Variants in GPC5 observed in about 807,000 individuals in gnomAD.
GPC5 encodes the protein glypican 5.
A neutral mutation model predicts 53.9 loss-of-function variants in GPC5; 47 were observed. The observed-to-expected ratio is 0.87, with a 90% CI of 0.69 to 1.11. The LOEUF is 1.11. Ranked by LOEUF, GPC5 falls within the 50% of genes most tolerant of loss-of-function variation. The pLI is 0.00. For missense variants in GPC5, 748 were observed against 713.1 expected, an observed-to-expected ratio of 1.05 and a Z score of -0.56; for synonymous variants, 286 against 263.3, an observed-to-expected ratio of 1.09 and a Z score of -0.84.
At chr13:92,679,716 T>C (rs1057289874) in intron 7 of GPC5, among the ~76,000 whole-genome samples, 1 of 152,168 alleles carries the variant, frequency 6.6e-6, no homozygotes, top group Admixed American at 6.6e-5. Context: ...TCATGGTTCA[T>C]CAGCAAATGC....
In GPC5 at chr13:92,082,615, C is replaced by G. The variant is rs554953439; in HGVS notation, c.1402-62215C>G. Among the ~76,000 whole-genome samples the G allele has an allele frequency of 2.6e-5, 4 of 152,170 alleles. No homozygotes were observed. The South Asian group carries it at 8.3e-4, about 32-fold the overall frequency. Reference sequence around the variant, plus strand: ...AAATATATTGCTCACAATTTTAATGCCTCAGCATTAAAGCTAAAAAGGAAA... The same window carrying G: ...AAATATATTGCTCACAATTTTAATGGCTCAGCATTAAAGCTAAAAAGGAAA... On this transcript the variant is annotated intron_variant, in intron 6 of 7. Transcript: ENST00000377067.
intron 5 of GPC5, among the ~76,000 whole-genome samples, chr13:91,795,829 T>G (rs968922270): frequency 9.9e-5 from 15 of 152,144 alleles, no homozygotes; most frequent in African/African-American, 3.4e-4. Flanking sequence ...ACACCACTGT[T>G]CCACATGCTC....
intron 7 of GPC5, among the ~76,000 whole-genome samples, chr13:92,485,585 A>G (rs1006989233): frequency 6.6e-5 from 10 of 152,228 alleles, no homozygotes; most frequent in African/African-American, 2.4e-4. Flanking sequence ...ATAAACCCCA[A>G]GTTGATTGTT....
At chr13:92,446,909 T>C (rs575931256) in intron 7 of GPC5, 1 of 152,338 alleles carries the variant, frequency 6.6e-6, no homozygotes, top group African/African-American at 2.4e-5. Flanking sequence ...TTCATATAGC[T>C]GTTTTCCATT....
chr13:92,653,152 G>C (rs1886010532), intron 7 of GPC5, among the ~76,000 whole-genome samples: 1 of 152,200 alleles, frequency 6.6e-6, no homozygotes, highest in African/African-American at 2.4e-5. Flanking sequence ...GTGGGCACCA[G>C]GTGCCTAGGC....
intron 5 of GPC5, among the ~76,000 whole-genome samples, chr13:91,873,516 A>G (rs1243671642): frequency 6.6e-6 from 1 of 152,078 alleles, no homozygotes. Context: ...CACAAGATCC[A>G]GTGGTTTTAA....
intron 7 of GPC5, among the ~76,000 whole-genome samples, chr13:92,227,510 T>C (rs1016904808): frequency 3.9e-5 from 6 of 152,312 alleles, no homozygotes; most frequent in African/African-American, 1.2e-4. Context: ...TATGGTCTCC[T>C]TTCTTAAATG....
intron 1 of GPC5, among the ~76,000 whole-genome samples, chr13:91,400,540 T>A (rs1339534048): frequency 6.6e-6 from 1 of 152,228 alleles, no homozygotes; most frequent in Non-Finnish European, 1.5e-5. Context: ...ATTCTTTTCA[T>A]TAGGAAATAA....
At chr13:91,583,697 A>C (rs988036242) in intron 2 of GPC5, among the ~76,000 whole-genome samples, 4 of 152,168 alleles carry the variant, frequency 2.6e-5, no homozygotes, top group African/African-American at 9.7e-5. Context: ...GACACCCTTG[A>C]AGAAAGAGGC....
At chr13:92,069,909 G>A (rs2041197059) in intron 6 of GPC5, among the ~76,000 whole-genome samples, 2 of 152,176 alleles carry the variant, frequency 1.3e-5, no homozygotes, top group South Asian at 2.1e-4. Flanking sequence ...AGATGGTCAT[G>A]CTTTAATCCT....
chr13:91,895,273 T>C (rs1404230661), intron 5 of GPC5, among the ~76,000 whole-genome samples: 1 of 152,124 alleles, frequency 6.6e-6, no homozygotes, highest in Non-Finnish European at 1.5e-5. Context: ...GGGTCTCTAA[T>C]ATAAAATAAT....
chr13:92,095,016 T>G (rs1002475975), intron 6 of GPC5, among the ~76,000 whole-genome samples: 1 of 152,166 alleles, frequency 6.6e-6, no homozygotes, highest in African/African-American at 2.4e-5. Flanking sequence ...TGACCCAAAA[T>G]ATTCTGAATT....
At chr13:91,794,181 A>C (rs2038012568) in intron 5 of GPC5, among the ~76,000 whole-genome samples, 2 of 152,006 alleles carry the variant, frequency 1.3e-5, no homozygotes, top group South Asian at 4.1e-4. Flanking sequence ...TTAAAGTGTA[A>C]ATCTCTATTC....
chr13:91,625,850 G>T (rs1438023763), intron 2 of GPC5, among the ~76,000 whole-genome samples: 1 of 152,050 alleles, frequency 6.6e-6, no homozygotes, highest in East Asian at 1.9e-4. Context: ...TTCAGAAGAA[G>T]TGCCTTATGT....
chr13:91,807,185 T>C (rs896645168), intron 5 of GPC5, among the ~76,000 whole-genome samples: 6 of 152,188 alleles, frequency 3.9e-5, no homozygotes, highest in Non-Finnish European at 8.8e-5. Flanking sequence ...ATCTAAGATT[T>C]GGCTAGTAAG....
chr13:92,148,477 T>G (rs958680958), intron 7 of GPC5, among the ~76,000 whole-genome samples: 1 of 152,130 alleles, frequency 6.6e-6, no homozygotes, highest in African/African-American at 2.4e-5. Flanking sequence ...CTATACATTA[T>G]AATTAAATGT....
intron 7 of GPC5, among the ~76,000 whole-genome samples, chr13:92,746,954 G>T (rs1889255374): frequency 6.6e-6 from 1 of 152,082 alleles, no homozygotes; most frequent in Non-Finnish European, 1.5e-5. Flanking sequence ...ATATGGTATA[G>T]CTTATTCCTC....
At chr13:92,073,623 G>T (rs1339601755) in intron 6 of GPC5, among the ~76,000 whole-genome samples, 1 of 152,072 alleles carries the variant, frequency 6.6e-6, no homozygotes, top group Admixed American at 6.6e-5. Flanking sequence ...CATTATTGAT[G>T]GTATACGATG....
intron 7 of GPC5, among the ~76,000 whole-genome samples, chr13:92,309,944 C>G (rs555570042): frequency 3.3e-5 from 5 of 152,178 alleles, no homozygotes; most frequent in African/African-American, 1.2e-4. Flanking sequence ...GTCTTCTTCT[C>G]TCTCCTTTCA....
Sources: gnomAD v4.1 joint callset for allele counts (sites outside exome capture counted in the v4.1 genomes callset) on GRCh38, gnomAD v4.1.1 for gene constraint, MANE v1.5 for transcripts, NCBI Gene and HGNC (gene_info 2026-07-23, HGNC 2026-07-21) for gene names.